The following GALNT17 variants were observed in gnomAD, a reference collection of about 807,000 sequenced individuals.
GALNT17 encodes UDP-GalNAc:polypeptide N-acetylgalactosaminyltransferase-like 3.
In GALNT17, 29 loss-of-function variants were observed where a neutral mutation model predicts 63.7. The ratio of observed to expected loss-of-function variants is 0.46; its 90% CI spans 0.34 to 0.62. The LOEUF (loss-of-function observed/expected upper bound fraction) is 0.62. Among genes scored for constraint, GALNT17 ranks in the 20% least tolerant of loss-of-function variants. The probability of loss-of-function intolerance (pLI) is 0.01; values close to 1 mark genes in which losing one functional copy is unlikely to be tolerated. For synonymous variants in GALNT17, 305 were observed against 318.3 expected (o/e 0.96, Z 0.45); for missense variants, 603 against 799.6 (o/e 0.75, Z 2.97).
Position 71,420,839 on chromosome 7 carries a change from C to T in GALNT17, c.765-69C>T, listed in dbSNP as rs2906271. 1.6e-3 allele frequency: 2,450 copies of T among 1,566,208 alleles called. 32 individuals carry two copies. The African/African-American group carries it at 0.03, about 19-fold the overall frequency. ...TTAAGTAGCTAAATGCTGTTCATTC[C>T]GTGTGGTCTTGGGAGGTGTGCCTCA... On this transcript the variant is annotated intron_variant, in intron 4 of 10. Coordinates refer to ENST00000333538, the MANE Select transcript of GALNT17 (RefSeq NM_022479.3).
chr7:71,295,612 C>T (rs905555657), intron 1 of GALNT17, among the ~76,000 whole-genome samples: 4 of 151,342 alleles, frequency 2.6e-5, no homozygotes, highest in African/African-American at 9.7e-5. Flanking sequence ...TTCCTTCCCC[C>T]ACCTCCACTT....
intron 1 of GALNT17, among the ~76,000 whole-genome samples, chr7:71,257,211 T>G (rs1037360344): frequency 4.6e-5 from 7 of 152,120 alleles, no homozygotes; most frequent in Non-Finnish European, 8.8e-5. Context: ...CACATCAGTT[T>G]AATTCATTCT....
chr7:71,360,046 G>T (rs1226034115), intron 2 of GALNT17, among the ~76,000 whole-genome samples: 8 of 152,076 alleles, frequency 5.3e-5, no homozygotes, highest in Admixed American at 5.2e-4. Flanking sequence ...AATCCCTTGA[G>T]GCTCTTATTG....
chr7:71,215,688 TTA>T (rs1366270150), intron 1 of GALNT17, among the ~76,000 whole-genome samples: 2 of 152,136 alleles, frequency 1.3e-5, no homozygotes, highest in African/African-American at 4.8e-5. Flanking sequence ...ATGTCGGATA[TTA>T]TATCCTGGGG....
At position 71,292,668 on chromosome 7, in the gene GALNT17, AGTGTGTGTGTGTGT is replaced by A. The variant is rs201057078; in HGVS notation, c.239-42851_239-42838del. 1.9e-3 allele frequency among the ~76,000 whole-genome samples: 129 copies of A among 67,458 alleles called. 1 individual carries two copies. Among genetic ancestry groups the A allele is most frequent in the African/African-American group, 6.1e-3 (119 of 19,536 alleles). 44.3% of individuals were successfully genotyped at this position (67,458 alleles called of 152,430 possible). A position where few individuals can be genotyped will look rare whatever the true frequency, so the allele number is the denominator to read the frequency against. Reference sequence around the variant, plus strand: ...GAGAGAGAGACAGAGAGAGAGAGAGAGTGTGTGTGTGTGTGTGTGTGTGTGTGTGTGTGTGTGTG... The same window carrying A: ...GAGAGAGAGACAGAGAGAGAGAGAGAGTGTGTGTGTGTGTGTGTGTGTGTG... On this transcript the variant is annotated intron_variant, in intron 1 of 10. Coordinates refer to ENST00000333538, the MANE Select transcript of GALNT17 (RefSeq NM_022479.3).
chr7:71,665,783 A>G (rs10269400), intron 7 of GALNT17, among the ~76,000 whole-genome samples, 187 bp downstream of exon 7: 2,897 of 152,300 alleles, frequency 0.019, 98 homozygotes, highest in African/African-American at 0.065. Context: ...GGGCTAGCAC[A>G]ATGGAAGTCT....
At chr7:71,255,309 T>C (rs1379400384) in intron 1 of GALNT17, among the ~76,000 whole-genome samples, 1 of 152,308 alleles carries the variant, frequency 6.6e-6, no homozygotes, top group Non-Finnish European at 1.5e-5. Flanking sequence ...GATGGTTGTA[T>C]AAAGAGGAGT....
intron 5 of GALNT17, among the ~76,000 whole-genome samples, chr7:71,487,409 A>G (rs374529755): frequency 2.6e-5 from 4 of 152,190 alleles, no homozygotes; most frequent in African/African-American, 9.7e-5. Flanking sequence ...GATGAGTCAG[A>G]AGTTTGGAGA....
At chr7:71,398,699 T>C (rs79464959) in intron 3 of GALNT17, among the ~76,000 whole-genome samples, 6,882 of 152,074 alleles carry the variant, frequency 0.045, 544 homozygotes, top group African/African-American at 0.16. Context: ...GAATGGGGAG[T>C]TATTGCTTAA....
At chr7:71,471,399 C>CAAA (rs35529889) in intron 5 of GALNT17, among the ~76,000 whole-genome samples, 86 of 89,594 alleles carry the variant, frequency 9.6e-4, no homozygotes, top group African/African-American at 3.0e-3. Flanking sequence ...TTTTTTTTTC[C>CAAA]AAAAAAAAAA....
intron 5 of GALNT17, among the ~76,000 whole-genome samples, chr7:71,480,155 C>CTTT (rs67257902): frequency 4.6e-5 from 3 of 65,352 alleles, no homozygotes; most frequent in African/African-American, 1.2e-4. Flanking sequence ...TTTTTGGAGT[C>CTTT]TTTTTTTTTT....
chr7:71,164,988 A>G (rs1353635153), intron 1 of GALNT17, among the ~76,000 whole-genome samples: 18 of 152,264 alleles, frequency 1.2e-4, no homozygotes. Flanking sequence ...AAAGAAATCA[A>G]TAAAATTAAC....
chr7:71,494,774 C>T (rs563580039), intron 5 of GALNT17, among the ~76,000 whole-genome samples: 9 of 152,270 alleles, frequency 5.9e-5, no homozygotes, highest in Non-Finnish European at 1.0e-4. Context: ...TGACTCAGTT[C>T]CACGTGGCTG....
intron 2 of GALNT17, among the ~76,000 whole-genome samples, chr7:71,377,096 A>T (rs1563047318): frequency 3.2e-5 from 2 of 61,918 alleles, no homozygotes; most frequent in Admixed American, 3.5e-4. Flanking sequence ...AAAAAAAAAA[A>T]AAAATAAAAA....
At chr7:71,672,064 C>A (rs968707481) in intron 8 of GALNT17, among the ~76,000 whole-genome samples, 1 of 147,916 alleles carries the variant, frequency 6.8e-6, no homozygotes, top group South Asian at 2.1e-4. Flanking sequence ...ACCTGGCACA[C>A]AACAGTAATT....
At chr7:71,276,673 C>T (rs959430964) in intron 1 of GALNT17, among the ~76,000 whole-genome samples, 1 of 152,152 alleles carries the variant, frequency 6.6e-6, no homozygotes, top group African/African-American at 2.4e-5. Flanking sequence ...CCATGTGTAA[C>T]TGTGAACCCA....
At chr7:71,278,557 A>G (rs1790722905) in intron 1 of GALNT17, among the ~76,000 whole-genome samples, 1 of 152,232 alleles carries the variant, frequency 6.6e-6, no homozygotes, top group African/African-American at 2.4e-5. Flanking sequence ...GAATTGCCAG[A>G]GACTGGGCAA....
chr7:71,624,469 G>C (rs759919665), intron 6 of GALNT17, among the ~76,000 whole-genome samples: 34 of 152,086 alleles, frequency 2.2e-4, no homozygotes, highest in Non-Finnish European at 4.4e-4. Context: ...ATTAAACCTG[G>C]CCTTATACCA....
intron 6 of GALNT17, among the ~76,000 whole-genome samples, chr7:71,636,266 T>C (rs1021674711): frequency 6.6e-6 from 1 of 152,194 alleles, no homozygotes; most frequent in Non-Finnish European, 1.5e-5. Flanking sequence ...GCAGAAGAGA[T>C]GTGGCTCATA....
Sources: gnomAD v4.1 joint callset for allele counts (sites outside exome capture counted in the v4.1 genomes callset) on GRCh38, gnomAD v4.1.1 for gene constraint, MANE v1.5 for transcripts, NCBI Gene and HGNC (gene_info 2026-07-23, HGNC 2026-07-21) for gene names.